CACNA1A: variants seen among roughly 807,000 people sequenced by gnomAD.
CACNA1A encodes voltage-dependent P/Q-type calcium channel subunit alpha-1A.
A neutral mutation model predicts 262.4 loss-of-function variants in CACNA1A; 57 were observed. The ratio of observed to expected loss-of-function variants is 0.22; its 90% CI spans 0.18 to 0.27. The LOEUF is 0.27. Ranked by LOEUF, CACNA1A falls within the 10% of genes least tolerant of loss-of-function variation. The probability of loss-of-function intolerance (pLI) is 1.00; values close to 1 mark genes in which losing one functional copy is unlikely to be tolerated. For synonymous variants in CACNA1A, 1,431 were observed against 1,419.3 expected (o/e 1.01, Z -0.18); for missense variants, 2,526 against 3,562.8 (o/e 0.71, Z 7.41).
chr19:13,425,784 G>C (rs180854946), intron 3 of CACNA1A, among the ~76,000 whole-genome samples: 1 of 152,080 alleles, frequency 6.6e-6, no homozygotes, highest in East Asian at 1.9e-4. Flanking sequence ...TGCCGGGCAC[G>C]GTGGCTCACA....
chr19:13,368,470 C>T (rs1403812142), intron 4 of CACNA1A, among the ~76,000 whole-genome samples: 1 of 151,436 alleles, frequency 6.6e-6, no homozygotes, highest in African/African-American at 2.4e-5. Flanking sequence ...GTAGGTGGGA[C>T]TACAGGCACA....
chr19:13,303,447 T>TGGGGGGGGGGGGGGGGGGGGGGG, intron 17 of CACNA1A, 99 bp downstream of exon 17: 1 of 223,112 alleles, frequency 4.5e-6, no homozygotes, highest in Non-Finnish European at 9.0e-6. Context: ...CCTGTTCCCA[T>TGGGGGGGGGGGGGGGGGGGGGGG]GCCCCCACCC....
intron 1 of CACNA1A, among the ~76,000 whole-genome samples, chr19:13,464,543 ATTTTTT>A (rs540418372): frequency 2.4e-4 from 31 of 128,948 alleles, no homozygotes; most frequent in East Asian, 4.6e-4. Flanking sequence ...AACTTTTCCA[ATTTTTT>A]TTTTTTTTTT....
chr19:13,406,958 CAT>C (rs956259244), intron 3 of CACNA1A, among the ~76,000 whole-genome samples: 8 of 151,966 alleles, frequency 5.3e-5, no homozygotes, highest in African/African-American at 9.7e-5. Context: ...CACACACACA[CAT>C]GCACACATGT....
chr19:13,254,670 T>C (rs2056496848), intron 29 of CACNA1A, among the ~76,000 whole-genome samples: 2 of 152,162 alleles, frequency 1.3e-5, no homozygotes, highest in Admixed American at 1.3e-4. Context: ...CCCCCTCATT[T>C]CATTAATCAA....
At position 13,433,460 on chromosome 19, in the gene CACNA1A, C is replaced by CAAAAAA. The variant is rs533297364; in HGVS notation, c.539+19410_539+19415dup. Reference sequence around the variant, plus strand: ...TCGGCAACAAAGCAAGACGCTGTCTCAAAAAAAAAAAAAAAAAAAAAAAGT... The same window carrying CAAAAAA: ...TCGGCAACAAAGCAAGACGCTGTCTCAAAAAAAAAAAAAAAAAAAAAAAAAAAAAGT... On this transcript the variant is annotated intron_variant, in intron 3 of 46. Transcript: ENST00000360228. Among the ~76,000 whole-genome samples, 388 of 76,174 alleles carry CAAAAAA rather than the reference C, an allele frequency of 5.1e-3. 24 individuals are homozygous for CAAAAAA. The highest frequency in any genetic ancestry group is 0.018 in the African/African-American group (319 of 17,604). 50.0% of individuals were successfully genotyped at this position (76,174 alleles called of 152,430 possible). A position where few individuals can be genotyped will look rare whatever the true frequency, so the allele number is the denominator to read the frequency against.
chr19:13,458,264 A>G (rs2144964178), intron 1 of CACNA1A, among the ~76,000 whole-genome samples: 1 of 152,156 alleles, frequency 6.6e-6, no homozygotes, highest in East Asian at 1.9e-4. Flanking sequence ...GGCTCAAACG[A>G]TCCTCCTGCC....
At chr19:13,320,397 C>T (rs2058229656) in intron 10 of CACNA1A, among the ~76,000 whole-genome samples, 1 of 152,226 alleles carries the variant, frequency 6.6e-6, no homozygotes, top group African/African-American at 2.4e-5. Context: ...GAGACAACCA[C>T]ACTTCCTACC....
At chr19:13,273,491 A>G (rs1407964820) in intron 24 of CACNA1A, 11 of 152,122 alleles carry the variant, frequency 7.2e-5, no homozygotes, top group Non-Finnish European at 2.9e-5. Flanking sequence ...ATCCATTGAG[A>G]AGTAGTGTTT....
chr19:13,473,898 A>C (rs1218782843), intron 1 of CACNA1A, among the ~76,000 whole-genome samples: 1 of 152,176 alleles, frequency 6.6e-6, no homozygotes, highest in Admixed American at 6.5e-5. Context: ...ACTCCAGTTA[A>C]ACAGATTTTC....
At chr19:13,222,167 A>G (rs545146404) in intron 38 of CACNA1A, among the ~76,000 whole-genome samples, 5 of 151,696 alleles carry the variant, frequency 3.3e-5, no homozygotes, top group Admixed American at 6.6e-5. Flanking sequence ...TCAGCCTCCC[A>G]AAGTGCTGGG....
intron 9 of CACNA1A, among the ~76,000 whole-genome samples, chr19:13,330,982 A>G (rs1181344763): frequency 3.3e-5 from 5 of 152,080 alleles, no homozygotes; most frequent in Admixed American, 3.3e-4. Context: ...CAATTTTGGG[A>G]TTCTGCCCCC....
chr19:13,431,356 G>A (rs542710253), intron 3 of CACNA1A, among the ~76,000 whole-genome samples: 5 of 152,188 alleles, frequency 3.3e-5, no homozygotes, highest in African/African-American at 1.2e-4. Flanking sequence ...TCTGAAGGTA[G>A]AGCCAATAAG....
At chr19:13,209,189 C>T (rs1054068312) in intron 45 of CACNA1A, 123 bp downstream of exon 45, 48 of 1,324,736 alleles carry the variant, frequency 3.6e-5, no homozygotes, top group Non-Finnish European at 4.7e-5. Flanking sequence ...GCCTGGCCCC[C>T]TCTGTCCCCT....
At position 13,207,589 on chromosome 19, in the gene CACNA1A, G is replaced by C. The variant is rs2054613659; in HGVS notation, c.7245C>G (p.Tyr2415Ter). Residue 2415 changes from tyrosine to a stop codon, truncating the protein, a stop_gained, in exon 47 of 47, where the codon TAC (tyrosine) becomes TAG (stop). Coordinates refer to ENST00000360228, the MANE Select transcript of CACNA1A (RefSeq NM_001127222.2). LOFTEE classifies it high-confidence loss of function. The surrounding 1 kb of genome is among the most constrained non-coding windows in gnomAD (Gnocchi z 5.7). Reference protein sequence around the residue: ...RHHGYYRGSDYDEADGPGSGG... With the variant: ...RHHGYYRGSD Reference sequence around the variant, plus strand: ...CGCTGCCCGGGCCATCGGCCTCGTCGTAGTCGGAGCCCCGGTAGTAGCCAT... The same window carrying C: ...CGCTGCCCGGGCCATCGGCCTCGTCCTAGTCGGAGCCCCGGTAGTAGCCAT... 6.8e-7 allele frequency: 1 copy of C among 1,481,382 alleles called. No individual in the cohort carries two copies. Among genetic ancestry groups the C allele is most frequent in the Non-Finnish European group, 9.0e-7 (1 of 1,116,168 alleles). 91.8% of individuals were successfully genotyped at this position (1,481,382 alleles called of 1,614,324 possible).
chr19:13,210,661 G>T lies in CACNA1A; in HGVS notation c.6304-9C>A. 6.4e-7 allele frequency: 1 copy of T among 1,561,692 alleles called. No individual in the cohort carries two copies. The highest frequency in any genetic ancestry group is 8.7e-7 in the Non-Finnish European group (1 of 1,154,054). On this transcript the variant is annotated splice_polypyrimidine_tract_variant and intron_variant, in intron 43 of 46. Transcript: ENST00000360228. ...GGCCGGCCCCTTCTCCTCTGTCACA[G>T]CCCCATGGGATGGTGCACACAGAAA...
chr19:13,337,953 C>T (rs908486885), intron 6 of CACNA1A, among the ~76,000 whole-genome samples: 9 of 152,200 alleles, frequency 5.9e-5, no homozygotes, highest in African/African-American at 2.2e-4. Flanking sequence ...GGTGCGGTGG[C>T]TCACGCCTGC....
At chr19:13,405,406 A>G (rs769037522) in intron 3 of CACNA1A, among the ~76,000 whole-genome samples, 1 of 151,774 alleles carries the variant, frequency 6.6e-6, no homozygotes, top group Non-Finnish European at 1.5e-5. Context: ...GAGTCTCCCT[A>G]TGTTACCCAG....
chr19:13,484,409 C>A (rs1399387728), intron 1 of CACNA1A, among the ~76,000 whole-genome samples: 1 of 152,144 alleles, frequency 6.6e-6, no homozygotes, highest in African/African-American at 2.4e-5. Flanking sequence ...TTGGCAGGAT[C>A]ACAAACTGCT....
Sources: allele counts gnomAD v4.1 joint callset (sites outside exome capture counted in the v4.1 genomes callset), GRCh38; gene constraint gnomAD v4.1.1; non-coding constraint Gnocchi (gnomAD v3.1); transcripts MANE v1.5; gene names NCBI Gene and HGNC (gene_info 2026-07-23, HGNC 2026-07-21).